Variants in PDE11A observed in about 807,000 individuals in gnomAD.
PDE11A encodes dual 3',5'-cyclic-AMP and -GMP phosphodiesterase 11A.
In PDE11A, 100 loss-of-function variants were observed where a neutral mutation model predicts 100.5. The ratio of observed to expected loss-of-function variants is 1.00; its 90% CI spans 0.85 to 1.18. PDE11A has a LOEUF of 1.18. Among genes scored for constraint, PDE11A ranks in the 50% most tolerant of loss-of-function variants. The probability of loss-of-function intolerance (pLI) is 0.00; values close to 1 mark genes in which losing one functional copy is unlikely to be tolerated. For synonymous variants in PDE11A, 381 were observed against 420.8 expected (o/e 0.91, Z 1.16); for missense variants, 1,141 against 1,152.6 (o/e 0.99, Z 0.15).
chr2:177,831,806 G>T (rs948281422), intron 6 of PDE11A, among the ~76,000 whole-genome samples: 2 of 152,140 alleles, frequency 1.3e-5, no homozygotes, highest in Non-Finnish European at 2.9e-5. Flanking sequence ...AAATTTTGAA[G>T]TTTATCTATT....
chr2:178,034,607 T>C (rs576469101), intron 1 of PDE11A, among the ~76,000 whole-genome samples: 29 of 152,272 alleles, frequency 1.9e-4, no homozygotes, highest in Admixed American at 1.1e-3. Context: ...TATTCCAAAA[T>C]TGATCACATA....
Position 178,071,616 on chromosome 2 carries a change from G to A in PDE11A, c.822C>T (p.Asn274=). ...CCCAGGGGACCTGCACCTCATTTGA[G>A]TTCTCTGTGCTGCTGCAAGGCAGCA... ...TPLLPCSSTE[N]SNEVQVPWGK... is the part of the protein sequence containing the mutation. Residue 274 remains asparagine (N), a synonymous_variant, in exon 1 of 20, where the codon AAC becomes AAT. Coordinates refer to ENST00000286063, the MANE Select transcript of PDE11A (RefSeq NM_016953.4). 2 of 1,613,958 alleles carry A rather than the reference G, an allele frequency of 1.2e-6. No individual in the cohort carries two copies. Among genetic ancestry groups the A allele is most frequent in the South Asian group, 1.1e-5 (1 of 91,072 alleles).
chr2:178,005,498 T>C (rs2086197409), intron 2 of PDE11A, among the ~76,000 whole-genome samples: 1 of 152,138 alleles, frequency 6.6e-6, no homozygotes, highest in African/African-American at 2.4e-5. Flanking sequence ...ATTATGTATC[T>C]AATCACTACT....
At chr2:177,837,400 C>T (rs907729017) in intron 6 of PDE11A, among the ~76,000 whole-genome samples, 18 of 151,868 alleles carry the variant, frequency 1.2e-4, no homozygotes, top group Non-Finnish European at 2.5e-4. Flanking sequence ...CGTGGGAGTG[C>T]TTTGTTTTAG....
intron 10 of PDE11A, among the ~76,000 whole-genome samples, chr2:177,742,866 T>G (rs1257386087): frequency 6.6e-6 from 1 of 152,158 alleles, no homozygotes; most frequent in East Asian, 1.9e-4. Flanking sequence ...GGTTCTGACT[T>G]TTAATCCCCA....
chr2:177,854,041 C>A (rs565172725), intron 5 of PDE11A, among the ~76,000 whole-genome samples: 2 of 151,166 alleles, frequency 1.3e-5, no homozygotes, highest in Non-Finnish European at 2.9e-5. Flanking sequence ...AAATGAGAGA[C>A]CTACTAAAGC....
chr2:177,936,388 A>C (rs13386418), intron 2 of PDE11A, among the ~76,000 whole-genome samples: 13,166 of 152,234 alleles, frequency 0.086, 542 homozygotes, highest in South Asian at 0.099. Context: ...GTTCAAAAAA[A>C]AAGCTCACAT....
intron 9 of PDE11A, among the ~76,000 whole-genome samples, chr2:177,777,483 A>C (rs2082394157): frequency 6.6e-6 from 1 of 152,214 alleles, no homozygotes; most frequent in African/African-American, 2.4e-5. Flanking sequence ...TATAGTTGAG[A>C]ATAAATCTTA....
intron 1 of PDE11A, among the ~76,000 whole-genome samples, chr2:178,044,416 T>TA (rs2086722300): frequency 6.7e-6 from 1 of 148,440 alleles, no homozygotes; most frequent in South Asian, 2.1e-4. Context: ...TATATAAACT[T>TA]TATATATATG....
chr2:177,889,505 T>A (rs987035636), intron 4 of PDE11A, among the ~76,000 whole-genome samples: 1 of 152,158 alleles, frequency 6.6e-6, no homozygotes, highest in African/African-American at 2.4e-5. Flanking sequence ...CCTGTTCCAT[T>A]TGCCATGTTC....
intron 15 of PDE11A, among the ~76,000 whole-genome samples, chr2:177,682,750 G>T (rs1446857856): frequency 6.6e-6 from 1 of 152,178 alleles, no homozygotes; most frequent in African/African-American, 2.4e-5. Context: ...GTAGGTTTGA[G>T]AAATGCTGCC....
chr2:177,744,446 G>A (rs1338122121), intron 10 of PDE11A, among the ~76,000 whole-genome samples: 1 of 152,052 alleles, frequency 6.6e-6, no homozygotes, highest in Non-Finnish European at 1.5e-5. Flanking sequence ...AGGGCAGGAA[G>A]AGAAAGGACA....
chr2:177,632,536 C>A (rs2079967231), intron 19 of PDE11A, among the ~76,000 whole-genome samples: 1 of 152,134 alleles, frequency 6.6e-6, no homozygotes, highest in Non-Finnish European at 1.5e-5. Flanking sequence ...TGAGGCCTCC[C>A]CAACCCTTTA....
At chr2:178,081,710 A>G (rs986653150) in intron 2 of PDE11A, among the ~76,000 whole-genome samples, 2 of 152,178 alleles carry the variant, frequency 1.3e-5, no homozygotes, top group Non-Finnish European at 2.9e-5. Context: ...TAGTGACTTC[A>G]TTGTATTACT....
Position 177,835,325 on chromosome 2 carries a change from A to AG in PDE11A, c.1500+4925dup, listed in dbSNP as rs554944369. Among the ~76,000 whole-genome samples the AG allele has an allele frequency of 1.5e-3, 234 of 152,302 alleles. 2 individuals carry two copies. The highest frequency in any genetic ancestry group is 5.4e-3 in the African/African-American group (223 of 41,568). ...ACCTCTCTCAAATGCATCCTGAGGC[A>AG]GGGGGGCTCCTTAGAGAAAATGCCT... On this transcript the variant is annotated intron_variant, in intron 6 of 19. Coordinates refer to ENST00000286063, the MANE Select transcript of PDE11A (RefSeq NM_016953.4).
In PDE11A at chr2:178,068,049, C is replaced by T. The variant is rs189024390; in HGVS notation, c.912+3477G>A. Among the ~76,000 whole-genome samples, 1,032 of 152,268 alleles carry T rather than the reference C, an allele frequency of 6.8e-3. 7 individuals are homozygous for T. Among genetic ancestry groups the T allele is most frequent in the Non-Finnish European group, 0.012 (828 of 68,020 alleles). On this transcript the variant is annotated intron_variant, in intron 1 of 19. Coordinates refer to ENST00000286063, the MANE Select transcript of PDE11A (RefSeq NM_016953.4). ...ACGATTTTTATGAATGTTTAAAGTG[C>T]TATATTCTGAATGCTTAGAATAATC... is the stretch of plus-strand genomic sequence containing the variant.
At chr2:177,723,759 C>T (rs575043608) in intron 12 of PDE11A, among the ~76,000 whole-genome samples, 3 of 152,206 alleles carry the variant, frequency 2.0e-5, no homozygotes, top group South Asian at 2.1e-4. Flanking sequence ...GTAAAGAATA[C>T]TGACTCTTAA....
intron 2 of PDE11A, among the ~76,000 whole-genome samples, chr2:177,967,263 C>T (rs1190087422): frequency 1.4e-5 from 2 of 141,770 alleles, no homozygotes; most frequent in African/African-American, 5.3e-5. Context: ...GTGGCAGGAT[C>T]TCGGCTCACT....
intron 9 of PDE11A, among the ~76,000 whole-genome samples, chr2:177,792,640 A>G (rs1486125138): frequency 1.3e-5 from 2 of 152,200 alleles, no homozygotes; most frequent in East Asian, 3.9e-4. Flanking sequence ...GCCACTGTCA[A>G]ACTCACTAGG....
Sources: gnomAD v4.1 joint callset for allele counts (sites outside exome capture counted in the v4.1 genomes callset) on GRCh38, gnomAD v4.1.1 for gene constraint, MANE v1.5 for transcripts, NCBI Gene and HGNC (gene_info 2026-07-23, HGNC 2026-07-21) for gene names.